The following FAAP20 variants were observed in gnomAD, a reference collection of about 807,000 sequenced individuals.
The protein encoded by FAAP20 is Fanconi anemia core complex-associated protein 20.
In FAAP20, 12 loss-of-function variants were observed where a neutral mutation model predicts 16.2. The observed-to-expected ratio is 0.74, with a 90% CI of 0.48 to 1.20. The LOEUF is 1.20. Among genes scored for constraint, FAAP20 ranks in the 50% most tolerant of loss-of-function variants. The probability of loss-of-function intolerance (pLI) is 0.00; values close to 1 mark genes in which losing one functional copy is unlikely to be tolerated. For missense variants in FAAP20, 288 were observed against 245.8 expected (o/e 1.17, Z -1.15); for synonymous variants, 141 against 110.7 (o/e 1.27, Z -1.72).
chr1:2,212,696 T>C, upstream of FAAP20: 1 of 288,132 alleles, frequency 3.5e-6, no homozygotes, highest in Non-Finnish European at 6.9e-6. Context: ...AACGCGAGTC[T>C]CTGAAAAGCG....
downstream of FAAP20, among the ~76,000 whole-genome samples, chr1:2,187,553 C>T (rs998240987): frequency 6.6e-5 from 10 of 152,188 alleles, no homozygotes; most frequent in African/African-American, 2.2e-4. Flanking sequence ...ATCCACCTGC[C>T]TCAGCCTCCC....
chr1:2,208,514 C>T (rs535234359), downstream of FAAP20, among the ~76,000 whole-genome samples: 42 of 152,286 alleles, frequency 2.8e-4, no homozygotes, highest in Non-Finnish European at 4.0e-4. Flanking sequence ...GACCCGCGTG[C>T]GGAAGGTGCT....
At chr1:2,185,485 G>A (rs1189051263), downstream of FAAP20, 1 of 718,254 alleles carries the variant, frequency 1.4e-6, no homozygotes, top group African/African-American at 1.7e-5. Context: ...GAGCCAGCGG[G>A]ACACAGGTGG....
chr1:2,198,930 T>G (rs1377764804), upstream of FAAP20: 6 of 1,289,606 alleles, frequency 4.7e-6, no homozygotes, highest in Admixed American at 1.4e-4. Context: ...GAGAGACAGT[T>G]GCCTGGGAAA....
downstream of FAAP20, chr1:2,207,807 C>G (rs1233825740): frequency 6.6e-6 from 1 of 152,364 alleles, no homozygotes; most frequent in Non-Finnish European, 1.5e-5. Context: ...GGCCCTCCCC[C>G]AGCCTGCTGG....
At chr1:2,203,569 G>T, upstream of FAAP20, 6 of 986,124 alleles carry the variant, frequency 6.1e-6, no homozygotes, top group Non-Finnish European at 7.2e-6. Context: ...CTCACCTGGG[G>T]TGGAGCTGGG....
chr1:2,210,676 T>C (rs1689412279), downstream of FAAP20, among the ~76,000 whole-genome samples: 2 of 152,224 alleles, frequency 1.3e-5, no homozygotes, highest in South Asian at 4.1e-4. Flanking sequence ...CTTGTGGCAT[T>C]TCTGTGGGTC....
downstream of FAAP20, chr1:2,184,533 T>C (rs1280958360): frequency 1.1e-5 from 15 of 1,411,260 alleles, no homozygotes; most frequent in Non-Finnish European, 1.5e-5. Context: ...CTCAATCTGG[T>C]AGGGATGATG....
downstream of FAAP20, among the ~76,000 whole-genome samples, chr1:2,187,958 C>T (rs763792199): frequency 5.3e-4 from 81 of 152,336 alleles, no homozygotes; most frequent in African/African-American, 1.8e-3. Context: ...TTGGTCCTCA[C>T]GGTGTTGCCT....
chr1:2,193,432 C>T, intron 3 of FAAP20: 1 of 768,108 alleles, frequency 1.3e-6, no homozygotes, highest in South Asian at 2.0e-5. Flanking sequence ...GCCTGCCCTG[C>T]CCACAGAGCA....
At chr1:2,194,188 TG>T in intron 1 of FAAP20, 55 bp from the exon 2 acceptor site, 1 of 1,591,950 alleles carries the variant, frequency 6.3e-7, no homozygotes, top group Non-Finnish European at 8.5e-7. Flanking sequence ...AACGCTATGG[TG>T]GGGAGACCCG....
chr1:2,189,341 AAAAC>A (rs1382611470), downstream of FAAP20, among the ~76,000 whole-genome samples: 12 of 151,046 alleles, frequency 7.9e-5, no homozygotes, highest in Admixed American at 1.3e-4. Flanking sequence ...CAAAAAAAAA[AAAAC>A]AAAAAAAAAA....
chr1:2,191,985 CGGA>C (rs1180880949), intron 3 of FAAP20: 1 of 985,384 alleles, frequency 1.0e-6, no homozygotes, highest in Non-Finnish European at 1.2e-6. Context: ...CTGGGTGACC[CGGA>C]GAACACCAAG....
chr1:2,194,692 C>A lies in FAAP20; in HGVS notation c.58G>T (p.Gly20Cys). The A allele has an allele frequency of 8.6e-7, 1 of 1,163,150 alleles. No individual in the cohort carries two copies. Among genetic ancestry groups the A allele is most frequent in the South Asian group, 4.1e-5 (1 of 24,356 alleles). The allele number at this position is 1,163,150 out of a possible 1,614,324, so 72.1% of individuals were successfully genotyped here. A position where few individuals can be genotyped will look rare whatever the true frequency, so the allele number is the denominator to read the frequency against. ...CCGCCCGGCTCCCGGCCTCACCCGCCCGCCGGGCGCGGCCTCCGGCGGCTC... is the reference window on the plus strand; with the variant it reads ...CCGCCCGGCTCCCGGCCTCACCCGCACGCCGGGCGCGGCCTCCGGCGGCTC... ...GLSRRRPRPA[G>C]GPSGGRPWFL... Residue 20 changes from glycine to cysteine, a missense_variant, in exon 1 of 4, where the codon GGC (glycine) becomes TGC (cysteine). Coordinates refer to ENST00000378546, the MANE Select transcript of FAAP20 (RefSeq NM_182533.4).
At chr1:2,187,630 T>C (rs1687742890), downstream of FAAP20, among the ~76,000 whole-genome samples, 1 of 152,292 alleles carries the variant, frequency 6.6e-6, no homozygotes, top group East Asian at 1.9e-4. Context: ...AGTAGGCATA[T>C]ATCAGGGCAG....
downstream of FAAP20, among the ~76,000 whole-genome samples, chr1:2,188,586 G>C (rs1214917485): frequency 2.0e-5 from 3 of 152,256 alleles, no homozygotes; most frequent in African/African-American, 7.2e-5. Flanking sequence ...TGTCCTGGCA[G>C]AGTTCTTGCC....
upstream of FAAP20, chr1:2,197,991 C>A: frequency 3.9e-6 from 5 of 1,283,916 alleles, no homozygotes; most frequent in Non-Finnish European, 5.1e-6. Flanking sequence ...AGCATGTTCA[C>A]CTCCAACAAA....
At chr1:2,196,492 G>A (rs1688829926), upstream of FAAP20, among the ~76,000 whole-genome samples, 1 of 151,630 alleles carries the variant, frequency 6.6e-6, no homozygotes, top group South Asian at 2.1e-4. This position sits in a 1 kb window ranked among gnomAD's most constrained non-coding sequence, Gnocchi z 4.5. Context: ...CAGGTAGGTG[G>A]GGGCTGCAGT....
chr1:2,211,884 C>T (rs958671406), downstream of FAAP20, among the ~76,000 whole-genome samples: 5 of 146,826 alleles, frequency 3.4e-5, no homozygotes, highest in Admixed American at 6.8e-5. Flanking sequence ...CGTGCCTGGC[C>T]GAGAGCAAGC....
Sources: gnomAD v4.1 joint callset for allele counts (sites outside exome capture counted in the v4.1 genomes callset) on GRCh38, gnomAD v4.1.1 for gene constraint, Gnocchi (gnomAD v3.1) non-coding constraint, MANE v1.5 for transcripts, NCBI Gene and HGNC (gene_info 2026-07-23, HGNC 2026-07-21) for gene names.